Variants in UNG observed in about 807,000 individuals in gnomAD.
UNG encodes the protein uracil-DNA glycosylase.
In UNG, 34 loss-of-function variants were observed where a neutral mutation model predicts 36.5. The ratio of observed to expected loss-of-function variants is 0.93; its 90% CI spans 0.71 to 1.24. The LOEUF is 1.24. UNG is among the 50% of genes most tolerant of loss of function. The probability of loss-of-function intolerance (pLI) is 0.00; values close to 1 mark genes in which losing one functional copy is unlikely to be tolerated. For synonymous variants in UNG, 172 were observed against 157.8 expected, an observed-to-expected ratio of 1.09 and a Z score of -0.67; for missense variants, 391 against 397.6, an observed-to-expected ratio of 0.98 and a Z score of 0.14.
intron 6 of UNG, among the ~76,000 whole-genome samples, chr12:109,107,800 C>T (rs2042229264): frequency 6.6e-6 from 1 of 152,278 alleles, no homozygotes; most frequent in South Asian, 2.1e-4. Context: ...GCTGGGATTA[C>T]AGGTGTGAGC....
chr12:109,098,536 C>G lies in UNG; in HGVS notation c.237C>G (p.Ala79=), dbSNP rs765568201. The change falls in exon 2 of 7, where the codon GCC becomes GCG. Residue 79 remains alanine, a synonymous_variant. Transcript: ENST00000242576. ...EQLDRIQRNK[A]AALLRLAARN... is the part of the protein sequence containing the mutation. Reference sequence around the variant, plus strand: ...TGGACCGGATCCAGAGGAACAAGGCCGCGGCCCTGCTCAGACTCGCGGCCC... The same window carrying G: ...TGGACCGGATCCAGAGGAACAAGGCGGCGGCCCTGCTCAGACTCGCGGCCC... 1.2e-6 allele frequency: 2 copies of G among 1,612,944 alleles called. No homozygotes were observed. The highest frequency in any genetic ancestry group is 8.5e-7 in the Non-Finnish European group (1 of 1,179,956).
intron 1 of UNG, chr12:109,098,026 G>A: frequency 7.6e-7 from 1 of 1,317,868 alleles, no homozygotes; most frequent in Non-Finnish European, 9.9e-7. Context: ...GGCCCATGGC[G>A]CCAATCCGCG....
chr12:109,102,725 C>G, intron 4 of UNG, 114 bp from the exon 5 acceptor site: 1 of 830,352 alleles, frequency 1.2e-6, no homozygotes, highest in South Asian at 1.4e-5. Context: ...GCCAGTGTCC[C>G]TTCCAAGGGC....
At chr12:109,102,214 G>A (rs1399366551) in intron 4 of UNG, among the ~76,000 whole-genome samples, 4 of 152,188 alleles carry the variant, frequency 2.6e-5, no homozygotes, top group Non-Finnish European at 4.4e-5. Flanking sequence ...CACATCCCTG[G>A]CCTCTACCAC....
chr12:109,098,696 T>G, intron 2 of UNG, 58 bp downstream of exon 2: 3 of 1,609,346 alleles, frequency 1.9e-6, no homozygotes, highest in Non-Finnish European at 2.5e-6. Context: ...GGCCCTTTTG[T>G]CTTGTTAGTG....
Position 109,098,516 on chromosome 12 carries a change from C to G in UNG, c.217C>G (p.Arg73Gly), listed in dbSNP as rs747129281. The change falls in exon 2 of 7, where the codon CGG becomes GGG. Residue 73 changes from arginine to glycine, a missense_variant. Arg to Gly is a moderately radical substitution (Grantham distance 125). Coordinates refer to ENST00000242576, the MANE Select transcript of UNG (RefSeq NM_080911.3). Reference sequence around the variant, plus strand: ...GCCGCTGAGTGCCGAGCAGTTGGACCGGATCCAGAGGAACAAGGCCGCGGC... The same window carrying G: ...GCCGCTGAGTGCCGAGCAGTTGGACGGGATCCAGAGGAACAAGGCCGCGGC... ...SSPLSAEQLD[R>G]IQRNKAAALL... 1.2e-6 allele frequency: 2 copies of G among 1,612,896 alleles called. No homozygotes were observed. The highest frequency in any genetic ancestry group is 1.7e-6 in the Non-Finnish European group (2 of 1,179,866).
rs2042193267 is a variant in UNG, at chr12:109,103,427, G to A, written c.623-6G>A. 4 of 1,613,684 alleles carry A rather than the reference G, an allele frequency of 2.5e-6. No homozygotes were observed. The highest frequency in any genetic ancestry group is 1.3e-5 in the African/African-American group (1 of 74,902). On this transcript the variant is annotated splice_polypyrimidine_tract_variant and splice_region_variant and intron_variant, in intron 5 of 6. Transcript: ENST00000242576. ...TACATTTAACCTGTTTCTCTCATGT[G>A]TATAGGTGTTCTCCTTCTCAACGCT... is the stretch of plus-strand genomic sequence containing the variant.
chr12:109,099,260 G>A lies in UNG; in HGVS notation c.411G>A (p.Trp137Ter), dbSNP rs750049084. ...CACCCCCACACCAAGTCTTCACCTG[G>A]ACCCAGATGTGTGACATAAAAGATG... is the stretch of plus-strand genomic sequence containing the variant. ...VYPPPHQVFT[W>*]TQMCDIKDVK... The change falls in exon 3 of 7, where the codon TGG becomes TGA. Residue 137 changes from tryptophan (W) to a stop codon, truncating the protein, a stop_gained. Coordinates refer to ENST00000242576, the MANE Select transcript of UNG (RefSeq NM_080911.3). LOFTEE classifies it high-confidence loss of function. The A allele has an allele frequency of 1.9e-6, 3 of 1,614,056 alleles. No homozygotes were observed. The highest frequency in any genetic ancestry group is 1.7e-6 in the Non-Finnish European group (2 of 1,179,966).
At position 109,098,552 on chromosome 12, in the gene UNG, C is replaced by T; in HGVS notation, c.253C>T (p.Leu85Phe). ...GAACAAGGCCGCGGCCCTGCTCAGA[C>T]TCGCGGCCCGCAACGTGCCCGTGGG... is the stretch of plus-strand genomic sequence containing the variant. Reference protein sequence around the residue: ...QRNKAAALLRLAARNVPVGFG... With the variant: ...QRNKAAALLRFAARNVPVGFG... The change falls in exon 2 of 7, where the codon CTC becomes TTC. Residue 85 changes from leucine to phenylalanine, a missense_variant. Physicochemically the swap from Leu to Phe is conservative, Grantham distance 22 (BLOSUM62 0). Transcript: ENST00000242576. 2 of 1,613,258 alleles carry T rather than the reference C, an allele frequency of 1.2e-6. No individual in the cohort carries two copies. The highest frequency in any genetic ancestry group is 1.7e-6 in the Non-Finnish European group (2 of 1,179,978).
chr12:109,098,148 GTCTGGCGGGGGCGGGGCACC>G, intron 1 of UNG: 4 of 1,389,140 alleles, frequency 2.9e-6, no homozygotes, highest in Non-Finnish European at 2.8e-6. Context: ...GGTGGGGCGG[GTCTGGCGGGGGCGGGGCACC>G]TCTGTGCAGG....
chr12:109,098,745 A>G, intron 2 of UNG, 107 bp downstream of exon 2: 1 of 1,396,326 alleles, frequency 7.2e-7, no homozygotes, highest in Non-Finnish European at 9.9e-7. Flanking sequence ...CTTAGGTTGT[A>G]CCCCCTTCAA....
intron 6 of UNG, among the ~76,000 whole-genome samples, chr12:109,105,752 C>T (rs537338003): frequency 2.6e-5 from 4 of 152,294 alleles, no homozygotes; most frequent in African/African-American, 7.2e-5. Context: ...GTCAGTCAGT[C>T]ATTCATATCT....
chr12:109,097,961 G>T, intron 1 of UNG, 150 bp downstream of exon 1: 1 of 1,287,640 alleles, frequency 7.8e-7, no homozygotes, highest in Non-Finnish European at 1.0e-6. Context: ...AATAGCCGCC[G>T]CTGTCCCCCA....
intron 6 of UNG, among the ~76,000 whole-genome samples, chr12:109,106,438 G>A (rs1192396675): frequency 6.6e-6 from 1 of 151,980 alleles, no homozygotes; most frequent in African/African-American, 2.4e-5. Flanking sequence ...GAGAAACAGT[G>A]ATTTGTTCGT....
intron 1 of UNG, 24 bp from the exon 2 acceptor site, chr12:109,098,408 C>G (rs754312331): frequency 1.2e-6 from 2 of 1,602,858 alleles, no homozygotes; most frequent in Admixed American, 3.4e-5. Flanking sequence ...GCTCTTGAGC[C>G]GCCTCTGCGG....
At chr12:109,103,296 C>G in intron 5 of UNG, 137 bp from the exon 6 acceptor site, 1 of 852,256 alleles carries the variant, frequency 1.2e-6, no homozygotes, top group Non-Finnish European at 1.9e-6. Context: ...GCCATTATGC[C>G]GGCTGCAGCA....
intron 4 of UNG, among the ~76,000 whole-genome samples, chr12:109,102,487 GA>G (rs936783889): frequency 6.7e-6 from 1 of 150,156 alleles, no homozygotes; most frequent in Non-Finnish European, 1.5e-5. Flanking sequence ...AAAAAAAAAA[GA>G]ACCACTGCTT....
In UNG at chr12:109,097,743, C is replaced by A. The variant is rs774385200; in HGVS notation, c.64C>A (p.Pro22Thr). The stretch of plus-strand genomic sequence containing the variant: ...CAGCCCCGCCAGGAAGCGACACGCC[C>A]CCAGCCCCGAGCCGGCCGTCCAGGG... ...SPSPARKRHA[P>T]SPEPAVQGTG... The change falls in exon 1 of 7, where the codon CCC becomes ACC. Residue 22 changes from proline to threonine, a missense_variant. Physicochemically the swap from Pro to Thr is conservative, Grantham distance 38. Transcript: ENST00000242576. The A allele has an allele frequency of 6.3e-7, 1 of 1,579,816 alleles. No individual in the cohort carries two copies.
Position 109,109,821 on chromosome 12 carries a change from T to A in UNG, c.802-8T>A, listed in dbSNP as rs771426933. The A allele has an allele frequency of 4.3e-6, 7 of 1,613,786 alleles. No individual in the cohort carries two copies. In the African/African-American group the frequency reaches 9.4e-5, roughly 22 times the overall value. ...AATCTGCCACCATTTATTCTTGATC[T>A]TTTTCAGAAGCGGCACCATGTACTA... On this transcript the variant is annotated splice_region_variant and splice_polypyrimidine_tract_variant and intron_variant, in intron 6 of 6. Coordinates refer to ENST00000242576, the MANE Select transcript of UNG (RefSeq NM_080911.3).
Sources: allele counts gnomAD v4.1 joint callset (sites outside exome capture counted in the v4.1 genomes callset), GRCh38; gene constraint gnomAD v4.1.1; transcripts MANE v1.5; gene names NCBI Gene and HGNC (gene_info 2026-07-23, HGNC 2026-07-21).